Variants in RAB3C observed in about 807,000 individuals in gnomAD.
RAB3C encodes RAB3C, member RAS oncogene family.
RAB3C carries 17 observed loss-of-function variants against 26.4 expected under a neutral mutation model. That is an observed-to-expected ratio of 0.64 (90% CI 0.44 to 0.97). RAB3C has a LOEUF of 0.97. Ranked by LOEUF, RAB3C falls within the 50% of genes least tolerant of loss-of-function variation. The pLI, the probability that RAB3C is intolerant of heterozygous loss-of-function variation, is 0.00. For missense variants in RAB3C, 242 were observed against 281.9 expected (o/e 0.86, Z 1.01); for synonymous variants, 91 against 95.9 (o/e 0.95, Z 0.30).
intron 3 of RAB3C, among the ~76,000 whole-genome samples, chr5:58,800,282 A>G (rs1742774126): frequency 6.6e-6 from 1 of 152,196 alleles, no homozygotes; most frequent in Admixed American, 6.5e-5. Context: ...TGCACCCTAC[A>G]TTTAGTTTTT....
intron 1 of RAB3C, among the ~76,000 whole-genome samples, chr5:58,608,739 G>A (rs1746626941): frequency 6.6e-6 from 1 of 152,146 alleles, no homozygotes; most frequent in African/African-American, 2.4e-5. Flanking sequence ...ACATGCACAT[G>A]TATATTTATT....
chr5:58,820,123 C>G (rs535169608), intron 3 of RAB3C, among the ~76,000 whole-genome samples: 33 of 151,104 alleles, frequency 2.2e-4, no homozygotes, highest in Non-Finnish European at 4.1e-4. Context: ...TCTTGCAAAG[C>G]AACAACATAG....
intron 2 of RAB3C, among the ~76,000 whole-genome samples, chr5:58,639,569 T>C (rs1314474349): frequency 1.3e-5 from 2 of 152,118 alleles, no homozygotes; most frequent in African/African-American, 4.8e-5. Flanking sequence ...AATAATCTCA[T>C]CATGGGGACC....
intron 2 of RAB3C, among the ~76,000 whole-genome samples, chr5:58,653,861 A>G (rs183320720): frequency 3.0e-4 from 46 of 152,276 alleles, no homozygotes; most frequent in African/African-American, 9.6e-4. Flanking sequence ...AAAAACAATT[A>G]TCATCAAGTT....
At chr5:58,795,524 AGTT>A (rs1742624755) in intron 3 of RAB3C, among the ~76,000 whole-genome samples, 1 of 152,162 alleles carries the variant, frequency 6.6e-6, no homozygotes, top group South Asian at 2.1e-4. Context: ...TCTTAACTAT[AGTT>A]GTGTAACTTA....
At chr5:58,676,038 A>G (rs1748218559) in intron 2 of RAB3C, among the ~76,000 whole-genome samples, 2 of 152,076 alleles carry the variant, frequency 1.3e-5, no homozygotes, top group Admixed American at 1.3e-4. Flanking sequence ...TCCTCCCATC[A>G]GCCTTTTGCC....
intron 4 of RAB3C, among the ~76,000 whole-genome samples, chr5:58,832,145 C>T (rs1268769612): frequency 6.6e-6 from 1 of 152,206 alleles, no homozygotes; most frequent in Non-Finnish European, 1.5e-5. Flanking sequence ...AGGATGGATT[C>T]ATGCTGAAGC....
chr5:58,632,556 GA>G (rs1747205344), intron 2 of RAB3C, among the ~76,000 whole-genome samples: 1 of 152,178 alleles, frequency 6.6e-6, no homozygotes, highest in Non-Finnish European at 1.5e-5. Flanking sequence ...ATGGATCGGG[GA>G]AGGGGCAGAC....
chr5:58,687,627 A>G (rs904460132), intron 2 of RAB3C, among the ~76,000 whole-genome samples: 4 of 152,132 alleles, frequency 2.6e-5, no homozygotes, highest in African/African-American at 9.7e-5. Context: ...TGAATGTGGC[A>G]TCAATTGAGA....
chr5:58,788,349 C>G (rs1742440699), intron 3 of RAB3C: 1 of 152,244 alleles, frequency 6.6e-6, no homozygotes, highest in Admixed American at 6.5e-5. Context: ...GCACTGCCAC[C>G]ACCTTGCCCC....
chr5:58,819,832 T>C (rs2675384), intron 3 of RAB3C, among the ~76,000 whole-genome samples: 101,091 of 151,976 alleles, frequency 0.67, 34,614 homozygotes, highest in African/African-American at 0.82. Context: ...TGAGCCACTG[T>C]ACTCCAACCT....
At chr5:58,804,316 T>C (rs1166820663) in intron 3 of RAB3C, among the ~76,000 whole-genome samples, 1 of 152,188 alleles carries the variant, frequency 6.6e-6, no homozygotes, top group East Asian at 1.9e-4. Context: ...CAGGCTGTTT[T>C]CTTTCTTGTG....
intron 4 of RAB3C, among the ~76,000 whole-genome samples, chr5:58,844,332 T>G (rs1332826873): frequency 6.6e-6 from 1 of 152,224 alleles, no homozygotes; most frequent in Non-Finnish European, 1.5e-5. Flanking sequence ...TGGTCATGCC[T>G]GGCTAAAGAC....
intron 2 of RAB3C, among the ~76,000 whole-genome samples, chr5:58,678,333 A>C (rs1191866001): frequency 6.6e-6 from 1 of 152,150 alleles, no homozygotes; most frequent in Non-Finnish European, 1.5e-5. Context: ...ATTATGCTAC[A>C]AATAGCTGAA....
intron 3 of RAB3C, among the ~76,000 whole-genome samples, chr5:58,769,564 C>CA (rs1741984203): frequency 6.6e-6 from 1 of 151,668 alleles, no homozygotes; most frequent in South Asian, 2.1e-4. Flanking sequence ...GAAGCACTGA[C>CA]AGAGTTTGAC....
chr5:58,585,691 A>G (rs1745995368), intron 1 of RAB3C, among the ~76,000 whole-genome samples: 1 of 152,244 alleles, frequency 6.6e-6, no homozygotes, highest in African/African-American at 2.4e-5. Context: ...TATCTATATA[A>G]ATAAGTTGAT....
intron 4 of RAB3C, among the ~76,000 whole-genome samples, chr5:58,838,862 C>T (rs182362413): frequency 2.0e-4 from 31 of 152,198 alleles, no homozygotes; most frequent in Admixed American, 3.3e-4. Context: ...CTAATACTTG[C>T]TTTATGTATC....
At chr5:58,596,644 T>TA (rs1338061283) in intron 1 of RAB3C, among the ~76,000 whole-genome samples, 10 of 78,176 alleles carry the variant, frequency 1.3e-4, no homozygotes, top group Non-Finnish European at 2.3e-4. Context: ...TATAAATATA[T>TA]AATATATAAT....
At chr5:58,593,873 C>T (rs1746188636) in intron 1 of RAB3C, among the ~76,000 whole-genome samples, 1 of 152,164 alleles carries the variant, frequency 6.6e-6, no homozygotes, top group East Asian at 1.9e-4. Context: ...CTGTACTCTC[C>T]AGCAAGCTGG....
Sources: allele counts gnomAD v4.1 joint callset (sites outside exome capture counted in the v4.1 genomes callset), GRCh38; gene constraint gnomAD v4.1.1; transcripts MANE v1.5; gene names NCBI Gene and HGNC (gene_info 2026-07-23, HGNC 2026-07-21).